Variants in ABCA1 observed in about 807,000 individuals in gnomAD.
ABCA1 encodes the protein ATP binding cassette subfamily A member 1.
ABCA1 carries 133 observed loss-of-function variants against 262.5 expected under a neutral mutation model. The observed-to-expected ratio is 0.51, with a 90% CI of 0.44 to 0.59. ABCA1 has a LOEUF of 0.59. Ranked by LOEUF, ABCA1 falls within the 20% of genes least tolerant of loss-of-function variation. ABCA1 has a pLI of 0.00. For synonymous variants in ABCA1, 1,022 were observed against 1,043.5 expected (o/e 0.98, Z 0.40); for missense variants, 2,452 against 2,777.5 (o/e 0.88, Z 2.63).
chr9:104,837,218 C>A (rs1833899630), intron 10 of ABCA1, 122 bp from the exon 11 acceptor site: 4 of 1,048,594 alleles, frequency 3.8e-6, no homozygotes, highest in East Asian at 5.0e-5. Context: ...CTCCCCATCC[C>A]CAAGAAATGC....
At chr9:104,919,308 C>G (rs900055498) in intron 1 of ABCA1, among the ~76,000 whole-genome samples, 1 of 152,000 alleles carries the variant, frequency 6.6e-6, no homozygotes, top group Non-Finnish European at 1.5e-5. Flanking sequence ...TAACAGGAGT[C>G]CATTATAAGA....
In ABCA1 at chr9:104,822,595, T is replaced by C; in HGVS notation, c.2729A>G (p.Asp910Gly). Reference sequence around the variant, plus strand: ...GCCATCGACAGCCACCTTCATCCCATCTCGGTAGACTTTTACCAGGTTCTG... The same window carrying C: ...GCCATCGACAGCCACCTTCATCCCACCTCGGTAGACTTTTACCAGGTTCTG... ...SIQNLVKVYR[D>G]GMKVAVDGLA... Residue 910 changes from aspartate (D) to glycine (G), a missense_variant, in exon 19 of 50, where the codon GAT becomes GGT. Physicochemically the swap from Asp to Gly is moderately conservative, Grantham distance 94. Transcript: ENST00000374736. 1.2e-6 allele frequency: 2 copies of C among 1,614,014 alleles called. No individual in the cohort carries two copies. The highest frequency in any genetic ancestry group is 1.3e-5 in the African/African-American group (1 of 74,994).
chr9:104,868,833 G>A (rs1264066666), intron 5 of ABCA1, among the ~76,000 whole-genome samples: 4 of 152,302 alleles, frequency 2.6e-5, no homozygotes, highest in Middle Eastern at 3.4e-3. Context: ...GGACCTCTGG[G>A]ACCCAGGTCC....
Position 104,806,300 on chromosome 9 carries a change from T to C in ABCA1, c.4405A>G (p.Lys1469Glu), listed in dbSNP as rs747976432. The C allele has an allele frequency of 6.2e-7, 1 of 1,614,126 alleles. No individual in the cohort carries two copies. Among genetic ancestry groups the C allele is most frequent in the East Asian group, 2.2e-5 (1 of 44,868 alleles). The stretch of plus-strand genomic sequence containing the variant: ...CACACAGGCAGCATCTTCTTGATTT[T>C]GTCGCTGCTACACTGGCATGCAGGT... ...PSPACQCSSD[K>E]IKKMLPVCPP... The change falls in exon 31 of 50, where the codon AAA becomes GAA. Residue 1469 changes from lysine (K) to glutamate (E), a missense_variant. Coordinates refer to ENST00000374736, the MANE Select transcript of ABCA1 (RefSeq NM_005502.4).
chr9:104,813,413 C>A (rs535260947), intron 27 of ABCA1, among the ~76,000 whole-genome samples: 2 of 151,518 alleles, frequency 1.3e-5, no homozygotes, highest in South Asian at 2.1e-4. Flanking sequence ...ATATCTAATT[C>A]TTTTTTTTTC....
chr9:104,800,638 AAC>A, intron 34 of ABCA1, 54 bp from the exon 35 acceptor site: 1 of 1,534,838 alleles, frequency 6.5e-7, no homozygotes, highest in Non-Finnish European at 9.0e-7. Flanking sequence ...GATAAGGGGC[AAC>A]AGTCAATCTG....
At chr9:104,860,298 G>C (rs1401929513) in intron 6 of ABCA1, among the ~76,000 whole-genome samples, 1 of 152,166 alleles carries the variant, frequency 6.6e-6, no homozygotes, top group Non-Finnish European at 1.5e-5. Context: ...AGATGTGACA[G>C]ATATGAAATT....
chr9:104,898,549 AAAATAAATAAATAAATAAATAAAT>A (rs60925856), intron 2 of ABCA1, among the ~76,000 whole-genome samples: 201 of 143,162 alleles, frequency 1.4e-3, no homozygotes, highest in African/African-American at 5.0e-3. Flanking sequence ...TCCGTCTTGA[AAAATAAATAAATAAATAAATAAAT>A]AAATAAATAA....
intron 32 of ABCA1, among the ~76,000 whole-genome samples, chr9:104,803,629 G>C (rs573000569): frequency 6.6e-6 from 1 of 151,778 alleles, no homozygotes; most frequent in African/African-American, 2.4e-5. Context: ...TCTTTTGGGA[G>C]ATGGTTTCGC....
chr9:104,820,578 C>T (rs1231190669), intron 20 of ABCA1, among the ~76,000 whole-genome samples: 1 of 152,192 alleles, frequency 6.6e-6, no homozygotes, highest in Admixed American at 6.5e-5. Context: ...AAAAGCCTTG[C>T]CCAAGATTGC....
intron 1 of ABCA1, among the ~76,000 whole-genome samples, chr9:104,906,446 C>T (rs189143318): frequency 6.6e-6 from 1 of 152,242 alleles, no homozygotes; most frequent in East Asian, 1.9e-4. Context: ...TCCAAGGACT[C>T]TCCAGGAAGC....
chr9:104,915,467 TCACAAGTTTAAATC>T (rs1841788247), intron 1 of ABCA1, among the ~76,000 whole-genome samples: 1 of 152,140 alleles, frequency 6.6e-6, no homozygotes, highest in Non-Finnish European at 1.5e-5. Flanking sequence ...GGGAATAAGA[TCACAAGTTTAAATC>T]CACTTACTTG....
intron 1 of ABCA1, among the ~76,000 whole-genome samples, chr9:104,904,498 C>T (rs1490461373): frequency 2.0e-5 from 3 of 147,222 alleles, no homozygotes; most frequent in African/African-American, 5.1e-5. Flanking sequence ...ACCTGGCAGG[C>T]GGAGGTGCAG....
At chr9:104,794,000 A>C (rs749032354) in intron 40 of ABCA1, among the ~76,000 whole-genome samples, 9 of 152,354 alleles carry the variant, frequency 5.9e-5, no homozygotes, top group Admixed American at 1.3e-4. Flanking sequence ...CAGGCACATG[A>C]TTCGCCTAAA....
chr9:104,785,340 T>A (rs1251873542), intron 49 of ABCA1, 56 bp downstream of exon 49: 1 of 1,608,588 alleles, frequency 6.2e-7, no homozygotes, highest in Non-Finnish European at 8.5e-7. Context: ...GGCGGGAGTG[T>A]CGGGGCAGGA....
At chr9:104,853,491 T>C (rs532493076) in intron 7 of ABCA1, among the ~76,000 whole-genome samples, 40 of 152,218 alleles carry the variant, frequency 2.6e-4, no homozygotes, top group African/African-American at 9.1e-4. Flanking sequence ...ATTCCTCAAA[T>C]TCCCAGACTC....
intron 32 of ABCA1, 114 bp from the exon 33 acceptor site, chr9:104,803,430 C>G (rs1830508563): frequency 2.8e-6 from 3 of 1,076,448 alleles, no homozygotes; most frequent in African/African-American, 1.6e-5. Flanking sequence ...AGAAATAACC[C>G]TAGAATCAGC....
At chr9:104,922,797 C>T (rs762747498) in intron 1 of ABCA1, among the ~76,000 whole-genome samples, 3 of 152,092 alleles carry the variant, frequency 2.0e-5, no homozygotes, top group African/African-American at 7.2e-5. Flanking sequence ...GTGCAACCTC[C>T]GCCTCCCAGG....
intron 28 of ABCA1, among the ~76,000 whole-genome samples, chr9:104,811,691 T>G (rs1831294013): frequency 6.6e-6 from 1 of 152,238 alleles, no homozygotes; most frequent in South Asian, 2.1e-4. Context: ...GGGATTTCAA[T>G]GCAGAAAATT....
Sources: gnomAD v4.1 joint callset for allele counts (sites outside exome capture counted in the v4.1 genomes callset) on GRCh38, gnomAD v4.1.1 for gene constraint, MANE v1.5 for transcripts, NCBI Gene and HGNC (gene_info 2026-07-23, HGNC 2026-07-21) for gene names.